Variants in OR51B5 observed in about 807,000 individuals in gnomAD.
OR51B5 encodes olfactory receptor family 51 subfamily B member 5, also known as olfactory receptor 51B5.
For synonymous variants in OR51B5, 186 were observed against 144.8 expected (o/e 1.28, Z -2.04); for missense variants, 456 against 374.6 (o/e 1.22, Z -1.79).
intron 1 of OR51B5, among the ~76,000 whole-genome samples, chr11:5,399,831 G>C (rs566567421): frequency 6.6e-6 from 1 of 152,144 alleles, no homozygotes; most frequent in South Asian, 2.1e-4. Context: ...GACAGGCAGA[G>C]AAGGCAGAGG....
intron 1 of OR51B5, chr11:5,423,028 T>C (rs1196826245): frequency 1.2e-6 from 2 of 1,613,992 alleles, no homozygotes; most frequent in Non-Finnish European, 1.7e-6. Context: ...TGGTCCATGT[T>C]ATCATGGCCA....
At chr11:5,441,152 G>A (rs765674195) in intron 1 of OR51B5, 1 of 1,613,898 alleles carries the variant, frequency 6.2e-7, no homozygotes, top group African/African-American at 1.3e-5. Context: ...AGCGATCCAA[G>A]CTCATGGCCA....
chr11:5,495,887 A>C (rs1851643714), intron 1 of OR51B5, among the ~76,000 whole-genome samples: 1 of 152,198 alleles, frequency 6.6e-6, no homozygotes, highest in Non-Finnish European at 1.5e-5. Context: ...AGAGATAGAA[A>C]AGTTATTCTC....
intron 1 of OR51B5, among the ~76,000 whole-genome samples, chr11:5,420,393 A>ACTG (rs1850315173): frequency 6.6e-6 from 1 of 151,958 alleles, no homozygotes; most frequent in Non-Finnish European, 1.5e-5. Context: ...ATGCAGTTGA[A>ACTG]CATTGTTTTA....
intron 1 of OR51B5, among the ~76,000 whole-genome samples, chr11:5,394,625 G>A (rs1849841050): frequency 6.6e-6 from 1 of 152,140 alleles, no homozygotes; most frequent in South Asian, 2.1e-4. Context: ...TTTATGTTTT[G>A]CTTTGTGACA....
intron 1 of OR51B5, chr11:5,454,490 T>C: frequency 7.9e-7 from 1 of 1,265,242 alleles, no homozygotes; most frequent in South Asian, 1.4e-5. Flanking sequence ...AGCATCGTCA[T>C]CATCATCATC....
At chr11:5,367,682 A>G (rs1006996171) in intron 1 of OR51B5, among the ~76,000 whole-genome samples, 1 of 152,122 alleles carries the variant, frequency 6.6e-6, no homozygotes, top group African/African-American at 2.4e-5. Flanking sequence ...GAGAATGCCT[A>G]ACTTTCTGGG....
intron 1 of OR51B5, chr11:5,440,662 C>T: frequency 6.2e-7 from 1 of 1,613,872 alleles, no homozygotes; most frequent in Non-Finnish European, 8.5e-7. Context: ...ATGGGTGGTA[C>T]AAACAGGTAG....
At chr11:5,382,552 A>G (rs1738643476) in intron 1 of OR51B5, among the ~76,000 whole-genome samples, 1 of 152,182 alleles carries the variant, frequency 6.6e-6, no homozygotes, top group African/African-American at 2.4e-5. Flanking sequence ...CTTGGCTAGG[A>G]TCCCAGTGAA....
intron 1 of OR51B5, among the ~76,000 whole-genome samples, chr11:5,383,101 T>C (rs1849635087): frequency 6.6e-6 from 1 of 152,138 alleles, no homozygotes; most frequent in Non-Finnish European, 1.5e-5. Flanking sequence ...TATTTTTTTT[T>C]TTCTAAATGT....
Position 5,422,913 on chromosome 11 carries a change from G to A in OR51B5, n.85-76003C>T, listed in dbSNP as rs750405873. On this transcript the variant is annotated intron_variant and non_coding_transcript_variant, in intron 1 of 4. Transcript: ENST00000415970. ...ACAGCCACCTGGGCTGAGCGACTCC[G>A]TGCCCTCAATAACTGCCTGTCCCAC... The A allele has an allele frequency of 4.9e-5, 79 of 1,613,848 alleles. No homozygotes were observed. Among genetic ancestry groups the A allele is most frequent in the African/African-American group, 8.0e-5 (6 of 74,902 alleles).
intron 1 of OR51B5, among the ~76,000 whole-genome samples, chr11:5,374,107 A>T (rs1399257210): frequency 6.6e-6 from 1 of 152,108 alleles, no homozygotes; most frequent in African/African-American, 2.4e-5. Flanking sequence ...GACACCTCAC[A>T]CGGCCAGGTA....
upstream of OR51B5, among the ~76,000 whole-genome samples, chr11:5,348,059 A>ACAGAGAGATCG (rs1564914330): frequency 7.5e-6 from 1 of 133,206 alleles, no homozygotes; most frequent in African/African-American, 2.6e-5. Context: ...CAAAAAAAAA[A>ACAGAGAGATCG]CAGAGAGATC....
At chr11:5,430,930 T>C (rs780458315) in intron 1 of OR51B5, 1 of 456,802 alleles carries the variant, frequency 2.2e-6, no homozygotes, top group Non-Finnish European at 4.4e-6. Flanking sequence ...CATCACTGTA[T>C]AAAGAATCAA....
chr11:5,488,271 A>G (rs1291954923), intron 1 of OR51B5, among the ~76,000 whole-genome samples: 1 of 152,222 alleles, frequency 6.6e-6, no homozygotes, highest in Admixed American at 6.5e-5. Flanking sequence ...GGAAGCAGGG[A>G]AACTTGTATT....
intron 1 of OR51B5, chr11:5,389,744 A>C (rs1206070393): frequency 6.2e-7 from 1 of 1,613,962 alleles, no homozygotes; most frequent in South Asian, 1.1e-5. Flanking sequence ...GATGTTCTGC[A>C]TCCACTCTTT....
chr11:5,422,830 C>T (rs773847387), intron 1 of OR51B5: 5 of 1,614,014 alleles, frequency 3.1e-6, no homozygotes, highest in Admixed American at 3.3e-5. Context: ...TCATTATTAT[C>T]GTGGATCCTC....
intron 1 of OR51B5, among the ~76,000 whole-genome samples, chr11:5,435,348 A>C (rs1387805710): frequency 6.6e-6 from 1 of 152,214 alleles, no homozygotes; most frequent in Non-Finnish European, 1.5e-5. Context: ...AATAATCTTC[A>C]TCAAGTATTA....
At position 5,422,517 on chromosome 11, in the gene OR51B5, T is replaced by G. The variant is rs1194591913; in HGVS notation, n.85-75607A>C. On this transcript the variant is annotated intron_variant and non_coding_transcript_variant, in intron 1 of 4. Coordinates refer to the OR51B5 transcript ENST00000415970. ...GCCTGTTTTGCTCAGTTTTTCTTCCTTCATGGATTCTCCTTTATGGAGTCT... is the reference window on the plus strand; with the variant it reads ...GCCTGTTTTGCTCAGTTTTTCTTCCGTCATGGATTCTCCTTTATGGAGTCT... 6 of 1,614,048 alleles carry G rather than the reference T, an allele frequency of 3.7e-6. No homozygotes were observed. The highest frequency in any genetic ancestry group is 5.1e-6 in the Non-Finnish European group (6 of 1,180,022).
Sources: gnomAD v4.1 joint callset for allele counts (sites outside exome capture counted in the v4.1 genomes callset) on GRCh38, gnomAD v4.1.1 for gene constraint, MANE v1.5 for transcripts, NCBI Gene and HGNC (gene_info 2026-07-23, HGNC 2026-07-21) for gene names.